GMDS: variants seen among roughly 807,000 people sequenced by gnomAD.
The protein encoded by GMDS is GDP-mannose 4,6 dehydratase.
GMDS carries 20 observed loss-of-function variants against 49.9 expected under a neutral mutation model. That is an observed-to-expected ratio of 0.40 (90% confidence interval 0.28 to 0.58). The LOEUF is 0.58. GMDS is among the 20% of genes least tolerant of loss of function. The pLI, the probability that GMDS is intolerant of heterozygous loss-of-function variation, is 0.42. For synonymous variants in GMDS, 177 were observed against 178.6 expected (o/e 0.99, Z 0.07); for missense variants, 362 against 481.4 (o/e 0.75, Z 2.32).
intron 4 of GMDS, among the ~76,000 whole-genome samples, chr6:2,025,951 A>G (rs1338807668): frequency 6.6e-6 from 1 of 152,208 alleles, no homozygotes; most frequent in African/African-American, 2.4e-5. Context: ...TAAAAAAAAG[A>G]TTTTTAACTG....
intron 4 of GMDS, among the ~76,000 whole-genome samples, chr6:1,999,985 A>ATATATATATTATATATATATAAAATAT (rs1554144036): frequency 9.1e-5 from 1 of 10,948 alleles, no homozygotes; most frequent in African/African-American, 3.3e-4. Context: ...TATATATTTT[A>ATATATATATTATATATATATAAAATAT]TATATATATA....
chr6:1,808,444 G>A (rs927450246), intron 7 of GMDS, among the ~76,000 whole-genome samples: 7 of 152,136 alleles, frequency 4.6e-5, no homozygotes, highest in Admixed American at 1.3e-4. Context: ...CAATGGCTAC[G>A]GTGCGGTTAA....
chr6:1,726,590 C>T, intron 8 of GMDS, 78 bp from the exon 9 acceptor site: 1 of 982,068 alleles, frequency 1.0e-6, no homozygotes, highest in East Asian at 2.4e-5. Flanking sequence ...TTGGGATGCC[C>T]CAGCCCTCTC....
At chr6:1,744,282 T>G (rs373475551) in intron 7 of GMDS, among the ~76,000 whole-genome samples, 1 of 152,192 alleles carries the variant, frequency 6.6e-6, no homozygotes, top group Admixed American at 6.5e-5. Context: ...GCATGCTGGT[T>G]GGGACAATGG....
rs76812703 is a variant in GMDS, at chr6:1,732,953, T to C, written c.891-6441A>G. Among the ~76,000 whole-genome samples the C allele has an allele frequency of 6.7e-3, 1,021 of 152,290 alleles. 31 individuals are homozygous for C. The East Asian group carries it at 0.1, about 16-fold the overall frequency. On this transcript the variant is annotated intron_variant, in intron 8 of 10. Coordinates refer to ENST00000380815, the MANE Select transcript of GMDS (RefSeq NM_001500.4). ...GACAAACCCCCTCCCCGCAGGCCCC[T>C]CTACGTTGCAGAGAAAGCGAGACTG... is the stretch of plus-strand genomic sequence containing the variant.
chr6:2,218,297 C>T (rs565280446), intron 1 of GMDS, among the ~76,000 whole-genome samples: 1 of 152,312 alleles, frequency 6.6e-6, no homozygotes. Context: ...TGGAAATGCA[C>T]AGGTGAAAGA....
chr6:2,234,103 A>G (rs565569955), intron 1 of GMDS, among the ~76,000 whole-genome samples: 49 of 152,334 alleles, frequency 3.2e-4, no homozygotes, highest in Admixed American at 5.2e-4. Flanking sequence ...ATTGGTATCA[A>G]CCATAAAAAT....
At chr6:2,176,600 C>G (rs1248912535) in intron 1 of GMDS, among the ~76,000 whole-genome samples, 3 of 152,026 alleles carry the variant, frequency 2.0e-5, no homozygotes, top group African/African-American at 7.3e-5. Context: ...GTAGAGACAA[C>G]CTGATCTGCT....
chr6:1,890,763 T>C (rs1759831667), intron 7 of GMDS, among the ~76,000 whole-genome samples: 1 of 152,212 alleles, frequency 6.6e-6, no homozygotes, highest in Non-Finnish European at 1.5e-5. Flanking sequence ...CCACTTTTAA[T>C]TAAGCTTTTA....
intron 9 of GMDS, 132 bp from the exon 10 acceptor site, chr6:1,624,672 C>G: frequency 1.5e-6 from 1 of 649,994 alleles, no homozygotes; most frequent in Non-Finnish European, 2.7e-6. Flanking sequence ...TGCTTTCGGT[C>G]CCTGCTGTGC....
chr6:2,143,621 C>T (rs1410547416), intron 1 of GMDS, among the ~76,000 whole-genome samples: 2 of 145,520 alleles, frequency 1.4e-5, no homozygotes, highest in Non-Finnish European at 2.9e-5. Flanking sequence ...CTGTGAATGG[C>T]TGTGGGAGAG....
chr6:1,655,848 T>C (rs535041157), intron 9 of GMDS, among the ~76,000 whole-genome samples: 2 of 152,334 alleles, frequency 1.3e-5, no homozygotes, highest in Admixed American at 1.3e-4. Flanking sequence ...AAGAGCATGA[T>C]GAGCCTGCGG....
At chr6:1,910,766 T>C (rs1761010594) in intron 7 of GMDS, among the ~76,000 whole-genome samples, 1 of 152,188 alleles carries the variant, frequency 6.6e-6, no homozygotes, top group Non-Finnish European at 1.5e-5. Flanking sequence ...ATATTCCATC[T>C]AGAGATAAAT....
chr6:2,181,203 C>T (rs928311546), intron 1 of GMDS, among the ~76,000 whole-genome samples: 44 of 148,138 alleles, frequency 3.0e-4, no homozygotes, highest in Admixed American at 1.4e-3. Context: ...AAAGACAGAT[C>T]GATGAAATTC....
At chr6:2,076,002 G>C (rs1385738030) in intron 4 of GMDS, among the ~76,000 whole-genome samples, 4 of 152,100 alleles carry the variant, frequency 2.6e-5, no homozygotes, top group Admixed American at 2.6e-4. Context: ...TTTCTCTGAT[G>C]GCCAGTGATG....
chr6:1,999,135 A>T (rs1766487835), intron 4 of GMDS, among the ~76,000 whole-genome samples: 2 of 152,106 alleles, frequency 1.3e-5, no homozygotes, highest in African/African-American at 4.8e-5. Flanking sequence ...CAGCCTGGCC[A>T]ACATGGTGAA....
intron 1 of GMDS, among the ~76,000 whole-genome samples, chr6:2,194,691 GA>G (rs1779207407): frequency 6.6e-6 from 1 of 152,204 alleles, no homozygotes; most frequent in East Asian, 1.9e-4. Flanking sequence ...AAACATGGAA[GA>G]GGGGAAAACA....
chr6:1,889,571 G>A (rs1437643330), intron 7 of GMDS, among the ~76,000 whole-genome samples: 3 of 151,954 alleles, frequency 2.0e-5, no homozygotes, highest in Non-Finnish European at 2.9e-5. Context: ...AGTTCCAAAC[G>A]TCCACTGGAT....
Position 1,833,751 on chromosome 6 carries a change from A to C in GMDS, c.772-91165T>G, listed in dbSNP as rs1756788750. 6.6e-6 allele frequency among the ~76,000 whole-genome samples: 1 copy of C among 152,250 alleles called. No individual in the cohort carries two copies. Among genetic ancestry groups the C allele is most frequent in the Non-Finnish European group, 1.5e-5 (1 of 68,044 alleles). On this transcript the variant is annotated intron_variant, in intron 7 of 10. Coordinates refer to ENST00000380815, the MANE Select transcript of GMDS (RefSeq NM_001500.4). This position sits in a 1 kb window ranked among gnomAD's most constrained non-coding sequence, Gnocchi z 4.4. ...ACATGGAAGGGCAGTGGGTTGAAAGATCCTCATTATTCAAGAGAAGGGAAA... is the reference window on the plus strand; with the variant it reads ...ACATGGAAGGGCAGTGGGTTGAAAGCTCCTCATTATTCAAGAGAAGGGAAA...
Sources: gnomAD v4.1 joint callset for allele counts (sites outside exome capture counted in the v4.1 genomes callset) on GRCh38, gnomAD v4.1.1 for gene constraint, Gnocchi (gnomAD v3.1) non-coding constraint, MANE v1.5 for transcripts, NCBI Gene and HGNC (gene_info 2026-07-23, HGNC 2026-07-21) for gene names.